SLC22A9: variants seen among roughly 807,000 people sequenced by gnomAD.
SLC22A9 encodes the protein organic anion transporter 7.
Under a neutral mutation model 50.1 loss-of-function variants are expected in SLC22A9, and 64 were observed. That is an observed-to-expected ratio of 1.28 (90% CI 1.04 to 1.57). The LOEUF (loss-of-function observed/expected upper bound fraction) is 1.57, where lower values mean the gene tolerates loss of function less well. Among genes scored for constraint, SLC22A9 ranks in the 40% most tolerant of loss-of-function variants. The pLI is 0.00. For synonymous variants in SLC22A9, 261 were observed against 242.5 expected (o/e 1.08, Z -0.71); for missense variants, 757 against 676.1 (o/e 1.12, Z -1.33).
intron 6 of SLC22A9, among the ~76,000 whole-genome samples, chr11:63,405,114 AAATAATAAC>A (rs1555016600): frequency 1.3e-5 from 2 of 151,826 alleles, no homozygotes; most frequent in Non-Finnish European, 2.9e-5. Context: ...AAAGCTATTG[AAATAATAAC>A]AATAATAATA....
chr11:63,369,947 A>G lies in SLC22A9; in HGVS notation c.-110A>G. On this transcript the variant is annotated 5_prime_UTR_variant, in exon 1 of 10. Coordinates refer to ENST00000279178, the MANE Select transcript of SLC22A9 (RefSeq NM_080866.3). ...CAGTCGTCAAGAAGAGAGTGGGGTCAGGATCAAAACACATTTAGTGTGACT... is the reference window on the plus strand; with the variant it reads ...CAGTCGTCAAGAAGAGAGTGGGGTCGGGATCAAAACACATTTAGTGTGACT... 4 of 1,092,130 alleles carry G rather than the reference A, an allele frequency of 3.7e-6. No individual in the cohort carries two copies. Among genetic ancestry groups the G allele is most frequent in the Non-Finnish European group, 5.2e-6 (4 of 769,590 alleles). The allele number at this position is 1,092,130 out of a possible 1,614,324, so 67.7% of individuals were successfully genotyped here. A position where few individuals can be genotyped will look rare whatever the true frequency, so the allele number is the denominator to read the frequency against.
intron 6 of SLC22A9, among the ~76,000 whole-genome samples, chr11:63,385,452 G>T (rs1326338428): frequency 6.6e-6 from 1 of 151,912 alleles, no homozygotes; most frequent in African/African-American, 2.4e-5. Context: ...ATCTGCTTGT[G>T]TCCTTTCTGA....
rs2014696109 is a variant in SLC22A9, at chr11:63,387,857, T to A, written c.1073+5580T>A. 2.0e-5 allele frequency among the ~76,000 whole-genome samples: 3 copies of A among 152,034 alleles called. No individual in the cohort carries two copies. In the South Asian group the frequency reaches 6.2e-4, roughly 31 times the overall value. ...TGTTTTAAAGTTTTCATCAGAGGGTTTTTTCACTTTTTATTAACTTAATTT... is the reference window on the plus strand; with the variant it reads ...TGTTTTAAAGTTTTCATCAGAGGGTATTTTCACTTTTTATTAACTTAATTT... On this transcript the variant is annotated intron_variant, in intron 6 of 9. Coordinates refer to ENST00000279178, the MANE Select transcript of SLC22A9 (RefSeq NM_080866.3).
At position 63,410,257 on chromosome 11, in the gene SLC22A9, A is replaced by AAAAAAAAGGAAGGAAAGAAAG; in HGVS notation, c.*398_*399insAAAAGGAAGGAAAGAAAGAAA. On this transcript the variant is annotated 3_prime_UTR_variant, in exon 10 of 10. Coordinates refer to ENST00000279178, the MANE Select transcript of SLC22A9 (RefSeq NM_080866.3). ...CTGTCTCAAAAAAAAAAAAAAAAAA[A>AAAAAAAAGGAAGGAAAGAAAG]AAAGAAAGAAGGAAAGAAAGAAAGA... 1 of 108,468 alleles carries AAAAAAAAGGAAGGAAAGAAAG rather than the reference A, an allele frequency of 9.2e-6. No individual in the cohort carries two copies. The highest frequency in any genetic ancestry group is 1.6e-5 in the Non-Finnish European group (1 of 61,184). The allele number at this position is 108,468 out of a possible 1,614,324, so 6.7% of individuals were successfully genotyped here.
Position 63,382,252 on chromosome 11 carries a change from A to C in SLC22A9, c.1048A>C (p.Arg350=), listed in dbSNP as rs151164553. Residue 350 remains arginine (R), a synonymous_variant, in exon 6 of 10, where the codon AGG becomes CGG. Transcript: ENST00000279178. ...EMLHMPNICK[R]ISLLSFTRFA... ...GCTCCACATGCCCAACATATGTAAA[A>C]GGATCTCCCTCCTGTCCTTTACGAG... 6.2e-6 allele frequency: 10 copies of C among 1,610,426 alleles called. No individual in the cohort carries two copies. In the African/African-American group the frequency reaches 1.1e-4, roughly 17 times the overall value.
chr11:63,387,919 T>C (rs2014697338), intron 6 of SLC22A9, among the ~76,000 whole-genome samples: 1 of 152,072 alleles, frequency 6.6e-6, no homozygotes, highest in Admixed American at 6.6e-5. Context: ...ATTGTAAGCA[T>C]GTTGACTTTC....
At chr11:63,405,683 TG>T (rs1169090535) in intron 6 of SLC22A9, among the ~76,000 whole-genome samples, 2 of 152,168 alleles carry the variant, frequency 1.3e-5, no homozygotes, top group African/African-American at 4.8e-5. Context: ...TGGAGGTAAA[TG>T]GACATTTCAG....
intron 5 of SLC22A9, among the ~76,000 whole-genome samples, chr11:63,378,059 G>A (rs1394890896): frequency 6.6e-6 from 1 of 151,812 alleles, no homozygotes; most frequent in Non-Finnish European, 1.5e-5. Flanking sequence ...GTAATAAAAA[G>A]CCAGTCAACT....
chr11:63,408,771 C>A lies in SLC22A9; in HGVS notation c.1493C>A (p.Pro498His). The A allele has an allele frequency of 6.2e-7, 1 of 1,614,008 alleles. No individual in the cohort carries two copies. Among genetic ancestry groups the A allele is most frequent in the Non-Finnish European group, 8.5e-7 (1 of 1,179,944 alleles). ...MILSVYSPPL[P>H]WIIYGVFPFI... ...CTAAGTGTGTATTCTCCACCCCTGC[C>A]CTGGATCATCTATGGAGTCTTCCCC... The change falls in exon 9 of 10, where the codon CCC (proline) becomes CAC (histidine). Residue 498 changes from proline to histidine, a missense_variant. Physicochemically the swap from Pro to His is moderately conservative, Grantham distance 77. Transcript: ENST00000279178.
chr11:63,400,770 C>A (rs984743696), intron 6 of SLC22A9, among the ~76,000 whole-genome samples: 1 of 151,946 alleles, frequency 6.6e-6, no homozygotes, highest in Admixed American at 6.6e-5. Flanking sequence ...TAGTAGCAAA[C>A]AAAATTTTAA....
chr11:63,394,761 G>A (rs866385659), intron 6 of SLC22A9, among the ~76,000 whole-genome samples: 11 of 152,034 alleles, frequency 7.2e-5, no homozygotes, highest in African/African-American at 1.9e-4. Flanking sequence ...TTATATTCGC[G>A]TGTCTAGTTC....
At chr11:63,408,464 G>A (rs1372294455) in intron 8 of SLC22A9, among the ~76,000 whole-genome samples, 1 of 152,174 alleles carries the variant, frequency 6.6e-6, no homozygotes, top group Non-Finnish European at 1.5e-5. Context: ...GCTAAGGATA[G>A]CAGTATTTCC....
rs779040888 is a variant in SLC22A9 at position 63,369,917 on chromosome 11, A to G, written c.-140A>G. The G allele has an allele frequency of 2.4e-6, 2 of 829,560 alleles. No homozygotes were observed. Among genetic ancestry groups the G allele is most frequent in the Non-Finnish European group, 3.6e-6 (2 of 551,924 alleles). The allele number at this position is 829,560 out of a possible 1,614,324, so 51.4% of individuals were successfully genotyped here. ...TTTCCACGGTCCTGCTGCAGAGGGG[A>G]AGCACAGTCGTCAAGAAGAGAGTGG... On this transcript the variant is annotated 5_prime_UTR_variant, in exon 1 of 10. Coordinates refer to ENST00000279178, the MANE Select transcript of SLC22A9 (RefSeq NM_080866.3).
chr11:63,371,669 C>T lies in SLC22A9; in HGVS notation c.506+431C>T, dbSNP rs182112666. On this transcript the variant is annotated intron_variant, in intron 2 of 9. Coordinates refer to ENST00000279178, the MANE Select transcript of SLC22A9 (RefSeq NM_080866.3). Reference sequence around the variant, plus strand: ...ATCATAGTTCCAAGTGTGATGAACACGCATTCCTCTAAAACCTGTAGGGTA... The same window carrying T: ...ATCATAGTTCCAAGTGTGATGAACATGCATTCCTCTAAAACCTGTAGGGTA... 1.6e-4 allele frequency among the ~76,000 whole-genome samples: 25 copies of T among 152,290 alleles called. No homozygotes were observed. The East Asian group carries it at 3.1e-3, about 19-fold the overall frequency.
At chr11:63,384,119 A>G (rs1331661530) in intron 6 of SLC22A9, among the ~76,000 whole-genome samples, 1 of 152,164 alleles carries the variant, frequency 6.6e-6, no homozygotes, top group East Asian at 1.9e-4. Flanking sequence ...TCAAATGACC[A>G]AAATAAATCA....
intron 6 of SLC22A9, among the ~76,000 whole-genome samples, chr11:63,391,003 T>C (rs1444136357): frequency 1.3e-5 from 2 of 152,128 alleles, no homozygotes; most frequent in Non-Finnish European, 2.9e-5. Flanking sequence ...ATCCCGTAGG[T>C]TTTGATATGT....
intron 6 of SLC22A9, among the ~76,000 whole-genome samples, chr11:63,395,869 G>T (rs2014845975): frequency 6.6e-6 from 1 of 152,078 alleles, no homozygotes; most frequent in Non-Finnish European, 1.5e-5. Context: ...TCCTTGGGTG[G>T]GTCTTACTAC....
At chr11:63,378,640 G>C (rs572948075) in intron 5 of SLC22A9, among the ~76,000 whole-genome samples, 1 of 152,060 alleles carries the variant, frequency 6.6e-6, no homozygotes, top group Non-Finnish European at 1.5e-5. Context: ...TAGCCCAAAA[G>C]CTCCTTGATC....
intron 6 of SLC22A9, among the ~76,000 whole-genome samples, chr11:63,399,359 G>T (rs2014916361): frequency 6.6e-6 from 1 of 152,100 alleles, no homozygotes; most frequent in Non-Finnish European, 1.5e-5. Flanking sequence ...AGAGAAAAAG[G>T]TATTCCATGC....
Sources: gnomAD v4.1 joint callset for allele counts (sites outside exome capture counted in the v4.1 genomes callset) on GRCh38, gnomAD v4.1.1 for gene constraint, MANE v1.5 for transcripts, NCBI Gene and HGNC (gene_info 2026-07-23, HGNC 2026-07-21) for gene names.